The following TTLL6 variants were observed in gnomAD, a reference collection of about 807,000 sequenced individuals.
The protein encoded by TTLL6 is tubulin tyrosine ligase like 6.
In TTLL6, 75 loss-of-function variants were observed where a neutral mutation model predicts 96.4. The ratio of observed to expected loss-of-function variants is 0.78; its 90% CI spans 0.65 to 0.94. The LOEUF (loss-of-function observed/expected upper bound fraction) is 0.94, where lower values mean the gene tolerates loss of function less well. TTLL6 is among the 40% of genes least tolerant of loss of function. The pLI, the probability that TTLL6 is intolerant of heterozygous loss-of-function variation, is 0.00. For synonymous variants in TTLL6, 411 were observed against 419.4 expected (o/e 0.98, Z 0.24); for missense variants, 1,030 against 1,093.0 (o/e 0.94, Z 0.81).
rs916381006 is a variant in TTLL6, at chr17:48,787,753, T to C, written c.1589+58A>G. The C allele has an allele frequency of 4.6e-6, 7 of 1,525,250 alleles. No homozygotes were observed. The African/African-American group carries it at 5.5e-5, about 12-fold the overall frequency. The allele number at this position is 1,525,250 out of a possible 1,614,324, so 94.5% of individuals were successfully genotyped here. A position where few individuals can be genotyped will look rare whatever the true frequency, so the allele number is the denominator to read the frequency against. On this transcript the variant is annotated intron_variant, in intron 11 of 15. Transcript: ENST00000393382. ...CTGCCACTCCAGGCCAGTCAGCCAA[T>C]AGATCACACACAATCCCCAGAACCC...
intron 13 of TTLL6, among the ~76,000 whole-genome samples, chr17:48,778,929 CAAA>C (rs71144525): frequency 9.8e-5 from 11 of 112,428 alleles, no homozygotes; most frequent in Admixed American, 1.9e-4. Context: ...GACTCCATCT[CAAA>C]AAAAAAAAAA....
intron 13 of TTLL6, among the ~76,000 whole-genome samples, chr17:48,770,510 GTTA>G (rs145832180): frequency 2.6e-4 from 39 of 147,788 alleles, no homozygotes; most frequent in Admixed American, 4.8e-4. Context: ...TATTGTTGTT[GTTA>G]TTATTATTAT....
chr17:48,764,304 C>A (rs376482260), intron 15 of TTLL6, among the ~76,000 whole-genome samples: 3 of 152,154 alleles, frequency 2.0e-5, no homozygotes, highest in African/African-American at 7.2e-5. Flanking sequence ...TGTGTCAGGG[C>A]GCCATTCCTC....
At chr17:48,780,588 G>C (rs2038966818) in intron 13 of TTLL6, among the ~76,000 whole-genome samples, 1 of 152,122 alleles carries the variant, frequency 6.6e-6, no homozygotes, top group African/African-American at 2.4e-5. Flanking sequence ...CATTTGTTGT[G>C]CAAGAGATCT....
Position 48,803,833 on chromosome 17 carries a change from A to G in TTLL6, c.361+58T>C. ...AAATATACAAGAGTGACTCTTCCCA[A>G]CCCTTTGGGAGAATCCAGTGGGTCC... On this transcript the variant is annotated intron_variant, in intron 3 of 15. Transcript: ENST00000393382. The G allele has an allele frequency of 2.0e-6, 3 of 1,534,398 alleles. No homozygotes were observed. The South Asian group carries it at 3.6e-5, about 18-fold the overall frequency.
intron 13 of TTLL6, among the ~76,000 whole-genome samples, chr17:48,780,504 T>C (rs539011743): frequency 1.3e-5 from 2 of 152,306 alleles, no homozygotes; most frequent in Admixed American, 6.5e-5. Flanking sequence ...TTTAAATAAA[T>C]AAATAAATAA....
rs1305185718 is a variant in TTLL6, at chr17:48,777,965, TTAGA to T, written c.2040+6954_2040+6957del. Among the ~76,000 whole-genome samples the T allele has an allele frequency of 5.9e-5, 9 of 151,540 alleles. No homozygotes were observed. The East Asian group carries it at 1.8e-3, about 30-fold the overall frequency. On this transcript the variant is annotated intron_variant, in intron 13 of 15. Transcript: ENST00000393382. ...GTGACCTGAGGTACATGAAAATCTC[TTAGA>T]TAGGATATAGAAAGCAACAACCATG... is the stretch of plus-strand genomic sequence containing the variant.
chr17:48,763,017 C>A (rs563809374), intron 15 of TTLL6, 44 bp from the exon 16 acceptor site: 34 of 432,526 alleles, frequency 7.9e-5, no homozygotes, highest in African/African-American at 6.0e-4. Context: ...TTTAAAATGG[C>A]CTCCAGAATA....
At chr17:48,802,396 C>T (rs945305656) in intron 3 of TTLL6, among the ~76,000 whole-genome samples, 1 of 152,178 alleles carries the variant, frequency 6.6e-6, no homozygotes, top group Non-Finnish European at 1.5e-5. Flanking sequence ...TTTTTAAGTA[C>T]ACACTGGATT....
In TTLL6 at chr17:48,785,045, T is replaced by C. The variant is rs372166676; in HGVS notation, c.1918A>G (p.Ser640Gly). The C allele has an allele frequency of 7.4e-6, 12 of 1,614,042 alleles. No individual in the cohort carries two copies. The Middle Eastern group carries it at 6.6e-4, about 88-fold the overall frequency. ...FPKLTSAKPF[S>G]SLPDLRNINL... ...ATATTCCTCAGATCGGGTAGAGAAC[T>C]GAAGGGCTTCGCAGACGTCAGCTTG... Residue 640 changes from serine (S) to glycine (G), a missense_variant, in exon 13 of 16, where the codon AGT (serine) becomes GGT (glycine). Physicochemically the swap from Ser to Gly is moderately conservative, Grantham distance 56. Coordinates refer to ENST00000393382, the MANE Select transcript of TTLL6 (RefSeq NM_001130918.3).
chr17:48,773,585 G>A (rs2038795216), intron 13 of TTLL6, among the ~76,000 whole-genome samples: 1 of 152,110 alleles, frequency 6.6e-6, no homozygotes, highest in African/African-American at 2.4e-5. Context: ...AGCTGGGCGT[G>A]GTGGTGCACG....
At chr17:48,771,361 G>A (rs1342117290) in intron 13 of TTLL6, among the ~76,000 whole-genome samples, 1 of 152,182 alleles carries the variant, frequency 6.6e-6, no homozygotes, top group Non-Finnish European at 1.5e-5. Flanking sequence ...GGGCAAGGTG[G>A]TTCATGCCTG....
At chr17:48,809,417 A>C (rs1275579938) in intron 1 of TTLL6, among the ~76,000 whole-genome samples, 6 of 152,174 alleles carry the variant, frequency 3.9e-5, no homozygotes, top group Non-Finnish European at 8.8e-5. Context: ...CTCAAGGAGG[A>C]GTGGCTCTGT....
In TTLL6 at chr17:48,774,230, G is replaced by GTTTTTTT. The variant is rs753077737; in HGVS notation, c.2041-4134_2041-4133insAAAAAAA. Among the ~76,000 whole-genome samples, 223 of 117,710 alleles carry GTTTTTTT rather than the reference G, an allele frequency of 1.9e-3. 25 individuals carry two copies. Among genetic ancestry groups the GTTTTTTT allele is most frequent in the African/African-American group, 3.7e-3 (119 of 32,540 alleles). 77.2% of individuals were successfully genotyped at this position (117,710 alleles called of 152,430 possible). A position where few individuals can be genotyped will look rare whatever the true frequency, so the allele number is the denominator to read the frequency against. On this transcript the variant is annotated intron_variant, in intron 13 of 15. Coordinates refer to ENST00000393382, the MANE Select transcript of TTLL6 (RefSeq NM_001130918.3). The stretch of plus-strand genomic sequence containing the variant: ...CTCAATGAAACCAAAATCCAGGTTT[G>GTTTTTTT]TTGTTTTTTTTTTTTTTTTTTTGAG...
intron 13 of TTLL6, among the ~76,000 whole-genome samples, chr17:48,774,490 C>G (rs1329678905): frequency 6.6e-6 from 1 of 150,520 alleles, no homozygotes; most frequent in Non-Finnish European, 1.5e-5. Flanking sequence ...TTTAAAAGGT[C>G]AATAAAATTG....
At chr17:48,812,490 C>T (rs2039611014) in intron 1 of TTLL6, among the ~76,000 whole-genome samples, 1 of 152,212 alleles carries the variant, frequency 6.6e-6, no homozygotes, top group South Asian at 2.1e-4. Context: ...TTTATTTAAC[C>T]TCCTGCCTTA....
chr17:48,805,334 C>A (rs2039490640), intron 1 of TTLL6, among the ~76,000 whole-genome samples: 1 of 152,164 alleles, frequency 6.6e-6, no homozygotes, highest in Non-Finnish European at 1.5e-5. Flanking sequence ...CCAAGCCTTC[C>A]TAGCTGAGAG....
chr17:48,797,095 G>T lies in TTLL6; in HGVS notation c.878C>A (p.Thr293Lys). 6.4e-7 allele frequency: 1 copy of T among 1,551,432 alleles called. No individual in the cohort carries two copies. Among genetic ancestry groups the T allele is most frequent in the Non-Finnish European group, 8.7e-7 (1 of 1,146,968 alleles). The stretch of plus-strand genomic sequence containing the variant: ...TGTGCAAGGGCGGGAGTAAGAGGTC[G>T]TCGCAAAGCGGGCCAGTCCTTCATT... ...VYNEGLARFA[T>K]TSYSRPCTDN... The change falls in exon 7 of 16, where the codon ACG (threonine) becomes AAG (lysine). Residue 293 changes from threonine to lysine, a missense_variant. Thr to Lys is a moderately conservative substitution (Grantham distance 78). Coordinates refer to ENST00000393382, the MANE Select transcript of TTLL6 (RefSeq NM_001130918.3).
intron 1 of TTLL6, among the ~76,000 whole-genome samples, chr17:48,810,501 G>T (rs896322452): frequency 3.3e-5 from 5 of 152,034 alleles, no homozygotes; most frequent in Non-Finnish European, 5.9e-5. Context: ...TTCAAAGTTT[G>T]CCTACTGGGG....
Sources: gnomAD v4.1 joint callset for allele counts (sites outside exome capture counted in the v4.1 genomes callset) on GRCh38, gnomAD v4.1.1 for gene constraint, MANE v1.5 for transcripts, NCBI Gene and HGNC (gene_info 2026-07-23, HGNC 2026-07-21) for gene names.